UBE2O: variants seen among roughly 807,000 people sequenced by gnomAD.
UBE2O encodes (E3-independent) E2 ubiquitin-conjugating enzyme.
In UBE2O, 15 loss-of-function variants were observed where a neutral mutation model predicts 125.8. The observed-to-expected ratio is 0.12, with a 90% CI of 0.08 to 0.18. The LOEUF (loss-of-function observed/expected upper bound fraction) is 0.18, where lower values mean the gene tolerates loss of function less well. Ranked by LOEUF, UBE2O falls within the 10% of genes least tolerant of loss-of-function variation. UBE2O has a pLI of 1.00. For missense variants in UBE2O, 1,280 were observed against 1,723.6 expected (o/e 0.74, Z 4.56); for synonymous variants, 708 against 703.2 (o/e 1.01, Z -0.11).
intron 1 of UBE2O, among the ~76,000 whole-genome samples, chr17:76,435,319 G>C (rs1448010800): frequency 1.3e-5 from 2 of 152,036 alleles, no homozygotes; most frequent in Non-Finnish European, 2.9e-5. Flanking sequence ...TGGTAGGAGG[G>C]AGACAAACAT....
chr17:76,411,394 C>T (rs986414986), intron 1 of UBE2O, among the ~76,000 whole-genome samples: 25 of 152,232 alleles, frequency 1.6e-4, no homozygotes, highest in Non-Finnish European at 3.4e-4. Flanking sequence ...AGGCCATGCC[C>T]TTGCCCCAAG....
In UBE2O at chr17:76,390,098, G is replaced by A. The variant is rs1223358913; in HGVS notation, c.*845C>T. On this transcript the variant is annotated 3_prime_UTR_variant, in exon 18 of 18. Transcript: ENST00000319380. ...AGGGCTGGCTCGCTTGGAGTTCAGTGAGCTGCACGCCTGTCCCAGTGTGAC... is the reference window on the plus strand; with the variant it reads ...AGGGCTGGCTCGCTTGGAGTTCAGTAAGCTGCACGCCTGTCCCAGTGTGAC... 6.6e-6 allele frequency: 1 copy of A among 152,580 alleles called. No individual in the cohort carries two copies. The highest frequency in any genetic ancestry group is 2.4e-5 in the African/African-American group (1 of 41,466). The allele number at this position is 152,580 out of a possible 1,614,324, so 9.5% of individuals were successfully genotyped here.
At position 76,405,193 on chromosome 17, in the gene UBE2O, AGGGCC is replaced by A; in HGVS notation, c.588+8_588+12del. The A allele has an allele frequency of 3.2e-6, 5 of 1,586,982 alleles. No individual in the cohort carries two copies. The highest frequency in any genetic ancestry group is 4.3e-6 in the Non-Finnish European group (5 of 1,160,754). On this transcript the variant is annotated splice_region_variant and intron_variant, in intron 3 of 17. Coordinates refer to ENST00000319380, the MANE Select transcript of UBE2O (RefSeq NM_022066.4). This position sits in a 1 kb window ranked among gnomAD's most constrained non-coding sequence, Gnocchi z 6.1. The stretch of plus-strand genomic sequence containing the variant: ...GGCCCAGAAAGGATGATGAGAAGAC[AGGGCC>A]GGCTCACCCAGATGTGCTGCAGGTC...
At chr17:76,436,746 C>T (rs1255700035) in intron 1 of UBE2O, among the ~76,000 whole-genome samples, 2 of 152,176 alleles carry the variant, frequency 1.3e-5, no homozygotes, top group Non-Finnish European at 1.5e-5. Flanking sequence ...CTGGCTAGCA[C>T]CCTCCTTCTG....
In UBE2O at chr17:76,405,614, C is replaced by G; in HGVS notation, c.418-42G>C. On this transcript the variant is annotated intron_variant, in intron 1 of 17. Coordinates refer to ENST00000319380, the MANE Select transcript of UBE2O (RefSeq NM_022066.4). This position sits in a 1 kb window ranked among gnomAD's most constrained non-coding sequence, Gnocchi z 6.1. ...AGGTGTGAGAGAATGGACTCTGAAG[C>G]CACCACAGAATACAGTTTTCTTCCA... 5 of 1,511,146 alleles carry G rather than the reference C, an allele frequency of 3.3e-6. No individual in the cohort carries two copies. The highest frequency in any genetic ancestry group is 4.5e-6 in the Non-Finnish European group (5 of 1,105,480). 93.6% of individuals were successfully genotyped at this position (1,511,146 alleles called of 1,614,324 possible).
At chr17:76,419,788 G>A (rs2143798693) in intron 1 of UBE2O, among the ~76,000 whole-genome samples, 1 of 152,348 alleles carries the variant, frequency 6.6e-6, no homozygotes, top group East Asian at 1.9e-4. Context: ...GCCATGCTGT[G>A]GCCCTGAGAA....
chr17:76,448,618 A>C (rs900744705), intron 1 of UBE2O, among the ~76,000 whole-genome samples: 1 of 152,272 alleles, frequency 6.6e-6, no homozygotes, highest in Non-Finnish European at 1.5e-5. Context: ...TTAAAACAAA[A>C]GACAATGCAA....
intron 1 of UBE2O, among the ~76,000 whole-genome samples, chr17:76,451,778 G>GT (rs35597500): frequency 0.24 from 25,029 of 105,218 alleles, 2,115 homozygotes; most frequent in East Asian, 0.41. Flanking sequence ...AGATACAGGG[G>GT]GGTGTGTGTG....
rs1567833925 is a variant in UBE2O at position 76,399,654 on chromosome 17, A to T, written c.1423T>A (p.Ser475Thr). 1.2e-6 allele frequency: 2 copies of T among 1,613,960 alleles called. No individual in the cohort carries two copies. Among genetic ancestry groups the T allele is most frequent in the South Asian group, 1.1e-5 (1 of 91,086 alleles). ...TCATCATCTGCGTCCTGCTCTGCCG[A>T]GTGCAGCCTGTCATCTCTGCCTTCT... ...LKEGRDDRLH[S>T]AEQDADDEAA... Residue 475 changes from serine to threonine, a missense_variant, in exon 9 of 18, where the codon TCG becomes ACG. This residue lies in a region of UBE2O where 141 missense variants were observed against 141.3 expected (regional missense o/e 1.00). Coordinates refer to ENST00000319380, the MANE Select transcript of UBE2O (RefSeq NM_022066.4). This position sits in a 1 kb window ranked among gnomAD's most constrained non-coding sequence, Gnocchi z 6.9.
chr17:76,395,348 T>C lies in UBE2O; in HGVS notation c.2946+377A>G. On this transcript the variant is annotated intron_variant, in intron 15 of 17. Transcript: ENST00000319380. The surrounding 1 kb of genome is among the most constrained non-coding windows in gnomAD (Gnocchi z 5.0). Reference sequence around the variant, plus strand: ...AGGCGCCCGCATGGTGGCGGGAGAGTTTTTTGTAATTTTTTTTTTTTTTTT... The same window carrying C: ...AGGCGCCCGCATGGTGGCGGGAGAGCTTTTTGTAATTTTTTTTTTTTTTTT... The C allele has an allele frequency of 6.5e-6, 1 of 152,794 alleles. No homozygotes were observed. The highest frequency in any genetic ancestry group is 1.4e-5 in the Non-Finnish European group (1 of 70,458). 9.5% of individuals were successfully genotyped at this position (152,794 alleles called of 1,614,324 possible). A position where few individuals can be genotyped will look rare whatever the true frequency, so the allele number is the denominator to read the frequency against.
intron 1 of UBE2O, among the ~76,000 whole-genome samples, chr17:76,411,543 A>G (rs2072516134): frequency 6.6e-6 from 1 of 152,252 alleles, no homozygotes; most frequent in Non-Finnish European, 1.5e-5. Flanking sequence ...CAAGGCTGGA[A>G]GCCACCAGCC....
chr17:76,439,514 T>C (rs545780470), intron 1 of UBE2O, among the ~76,000 whole-genome samples: 3 of 152,346 alleles, frequency 2.0e-5, no homozygotes, highest in African/African-American at 7.2e-5. Context: ...TGTGATGACG[T>C]CACTGCTCTG....
chr17:76,418,046 G>C (rs2072645149), intron 1 of UBE2O, among the ~76,000 whole-genome samples: 2 of 152,110 alleles, frequency 1.3e-5, no homozygotes, highest in Admixed American at 1.3e-4. Flanking sequence ...AAGGCGCAGG[G>C]GGAGGTCACA....
rs2072306371 is a variant in UBE2O, at chr17:76,400,667, A to T, written c.895-117T>A. The T allele has an allele frequency of 1.4e-6, 1 of 699,868 alleles. No homozygotes were observed. The highest frequency in any genetic ancestry group is 2.4e-6 in the Non-Finnish European group (1 of 418,890). The allele number at this position is 699,868 out of a possible 1,614,324, so 43.4% of individuals were successfully genotyped here. On this transcript the variant is annotated intron_variant, in intron 6 of 17. Transcript: ENST00000319380. The surrounding 1 kb of genome is among the most constrained non-coding windows in gnomAD (Gnocchi z 4.3). ...AGGAAACTGATCTTCCTAGTGCAGCACCAAGTACAGACACATCAGAGCAGG... is the reference window on the plus strand; with the variant it reads ...AGGAAACTGATCTTCCTAGTGCAGCTCCAAGTACAGACACATCAGAGCAGG...
At chr17:76,436,981 A>AAAC (rs894039842) in intron 1 of UBE2O, among the ~76,000 whole-genome samples, 37 of 152,180 alleles carry the variant, frequency 2.4e-4, no homozygotes, top group African/African-American at 7.7e-4. Flanking sequence ...AATGCAAAAC[A>AAAC]AACAACAACA....
chr17:76,425,917 G>A (rs1004205102), intron 1 of UBE2O, among the ~76,000 whole-genome samples: 1 of 152,108 alleles, frequency 6.6e-6, no homozygotes, highest in African/African-American at 2.4e-5. Context: ...CCCGTTTCCT[G>A]GATCCTGGGA....
At chr17:76,430,907 A>G in intron 1 of UBE2O, 1 of 411,554 alleles carries the variant, frequency 2.4e-6, no homozygotes, top group Non-Finnish European at 4.8e-6. Context: ...TTTTCTTGCC[A>G]TCCTAGCCTT....
chr17:76,447,019 T>C (rs568294528), intron 1 of UBE2O, among the ~76,000 whole-genome samples: 1 of 152,262 alleles, frequency 6.6e-6, no homozygotes, highest in Admixed American at 6.5e-5. Context: ...CTACCCATCA[T>C]CTCCCTCCCT....
At chr17:76,445,721 G>A (rs2073140294) in intron 1 of UBE2O, among the ~76,000 whole-genome samples, 1 of 152,200 alleles carries the variant, frequency 6.6e-6, no homozygotes, top group Non-Finnish European at 1.5e-5. Context: ...GATAAATCCA[G>A]AGAGTTATCC....
Sources: gnomAD v4.1 joint callset for allele counts (sites outside exome capture counted in the v4.1 genomes callset) on GRCh38, gnomAD v4.1.1 for gene constraint, gnomAD v4.1.1 regional missense constraint, Gnocchi (gnomAD v3.1) non-coding constraint, MANE v1.5 for transcripts, NCBI Gene and HGNC (gene_info 2026-07-23, HGNC 2026-07-21) for gene names.